Variants in PTGIS observed in about 807,000 individuals in gnomAD.
The protein encoded by PTGIS is prostacyclin synthase.
In PTGIS, 45 loss-of-function variants were observed where a neutral mutation model predicts 50.3. The ratio of observed to expected loss-of-function variants is 0.90; its 90% confidence interval spans 0.70 to 1.15. PTGIS has a LOEUF of 1.15. PTGIS is among the 50% of genes most tolerant of loss of function. PTGIS has a pLI of 0.00. For synonymous variants in PTGIS, 260 were observed against 267.7 expected (o/e 0.97, Z 0.28); for missense variants, 668 against 661.3 (o/e 1.01, Z -0.11).
At chr20:49,554,542 G>A (rs573068779) in intron 1 of PTGIS, among the ~76,000 whole-genome samples, 8 of 152,132 alleles carry the variant, frequency 5.3e-5, no homozygotes, top group Non-Finnish European at 1.2e-4. Flanking sequence ...ATCATCTTCA[G>A]ACCTAGGAGG....
chr20:49,520,339 T>TG (rs1296549476), intron 6 of PTGIS, among the ~76,000 whole-genome samples: 1 of 151,598 alleles, frequency 6.6e-6, no homozygotes, highest in Admixed American at 6.6e-5. Flanking sequence ...TCTAATACTT[T>TG]TTTTTTTTTT....
intron 6 of PTGIS, among the ~76,000 whole-genome samples, chr20:49,516,063 A>G (rs968226116): frequency 1.4e-5 from 2 of 142,994 alleles, no homozygotes; most frequent in African/African-American, 5.3e-5. Context: ...TTTTTTTGGT[A>G]GAGATGGAGG....
intron 1 of PTGIS, among the ~76,000 whole-genome samples, chr20:49,561,474 G>A (rs1316904306): frequency 6.6e-6 from 1 of 152,176 alleles, no homozygotes; most frequent in Non-Finnish European, 1.5e-5. Flanking sequence ...CCTGGGCTAA[G>A]GCCACTTCTC....
chr20:49,520,693 G>T lies in PTGIS; in HGVS notation c.855+3365C>A, dbSNP rs552975602. Among the ~76,000 whole-genome samples the T allele has an allele frequency of 5.0e-4, 76 of 152,134 alleles. 1 individual carries two copies. In the South Asian group the frequency reaches 0.015, roughly 30 times the overall value. On this transcript the variant is annotated intron_variant, in intron 6 of 9. Transcript: ENST00000244043. ...TTTATTTATTTATTTTTGAGACAGG[G>T]TCTCACTATGTCACCCAAGCTGGAG... is the stretch of plus-strand genomic sequence containing the variant.
In PTGIS at chr20:49,511,079, G is replaced by A. The variant is rs267605985; in HGVS notation, c.1307C>T (p.Ala436Val). The A allele has an allele frequency of 1.7e-5, 28 of 1,613,862 alleles. No homozygotes were observed. The highest frequency in any genetic ancestry group is 4.5e-5 in the East Asian group (2 of 44,898). Reference protein sequence around the residue: ...RLKNYNMPWGAGHNHCLGRSY... With the variant: ...RLKNYNMPWGVGHNHCLGRSY... ...CCTCCCCAGGCAGTGATTGTGCCCC[G>A]CCCCCCAGGGCATGTTGTAATTCTT... is the stretch of plus-strand genomic sequence containing the variant. Residue 436 changes from alanine (A) to valine (V), a missense_variant, in exon 9 of 10, where the codon GCG becomes GTG. Transcript: ENST00000244043.
intron 1 of PTGIS, 119 bp from the exon 2 acceptor site, chr20:49,550,308 G>C (rs935997167): frequency 6.1e-5 from 80 of 1,316,764 alleles, no homozygotes; most frequent in Non-Finnish European, 8.5e-5. Context: ...TGGAGCACTC[G>C]GGGACTATTG....
intron 5 of PTGIS, among the ~76,000 whole-genome samples, chr20:49,538,655 C>T (rs1460004741): frequency 6.6e-6 from 1 of 150,388 alleles, no homozygotes; most frequent in East Asian, 1.9e-4. Context: ...AGATCCACTT[C>T]TCAGTGCATT....
At chr20:49,529,217 C>G (rs1226528314) in intron 5 of PTGIS, among the ~76,000 whole-genome samples, 5 of 152,118 alleles carry the variant, frequency 3.3e-5, no homozygotes, top group African/African-American at 1.2e-4. Context: ...ATCTCCAGAA[C>G]TTATTCATTT....
At chr20:49,548,614 A>AGATG (rs759506899) in intron 2 of PTGIS, among the ~76,000 whole-genome samples, 3 of 151,266 alleles carry the variant, frequency 2.0e-5, no homozygotes, top group East Asian at 1.9e-4. Flanking sequence ...ATGGATGAAT[A>AGATG]GATGGATGGA....
chr20:49,513,429 T>A (rs1299930934), intron 7 of PTGIS, among the ~76,000 whole-genome samples, 168 bp from the exon 8 acceptor site: 1 of 151,846 alleles, frequency 6.6e-6, no homozygotes, highest in Non-Finnish European at 1.5e-5. Context: ...TGACATGTGG[T>A]CTCTGTGGTC....
At chr20:49,533,917 T>A (rs1156438982) in intron 5 of PTGIS, among the ~76,000 whole-genome samples, 9 of 152,074 alleles carry the variant, frequency 5.9e-5, no homozygotes, top group African/African-American at 1.9e-4. Flanking sequence ...GCTAAGATCG[T>A]GCCACTGCAC....
At position 49,505,771 on chromosome 20, in the gene PTGIS, GGTCACCCAGGC is replaced by G. The variant is rs1981137426; in HGVS notation, c.*2138_*2148del. 1 of 152,528 alleles carries G rather than the reference GGTCACCCAGGC, an allele frequency of 6.6e-6. No homozygotes were observed. The highest frequency in any genetic ancestry group is 1.5e-5 in the Non-Finnish European group (1 of 68,046). 9.4% of individuals were successfully genotyped at this position (152,528 alleles called of 1,614,324 possible). ...GAGTTAAGAAGGAGGCGGCAGTGGG[GGTCACCCAGGC>G]GTGAAGATGGGTTTCCCTGGGGATA... On this transcript the variant is annotated 3_prime_UTR_variant, in exon 10 of 10. Transcript: ENST00000244043.
intron 1 of PTGIS, among the ~76,000 whole-genome samples, chr20:49,558,713 A>ATT (rs33976646): frequency 1.4e-5 from 2 of 143,980 alleles, no homozygotes; most frequent in Non-Finnish European, 3.0e-5. Flanking sequence ...AAGTTAGACA[A>ATT]TTTTTTTTTT....
chr20:49,511,116 C>T lies in PTGIS; in HGVS notation c.1270G>A (p.Gly424Arg). The change falls in exon 9 of 10, where the codon GGG becomes AGG. Residue 424 changes from glycine (G) to arginine (R), a missense_variant. By Grantham distance (125) the Gly-to-Arg change is moderately radical. Transcript: ENST00000244043. ...ATGTTGTAATTCTTCAGCCGTTTCC[C>T]ATCCTTGTAAAAGTCTTTCTTCTCT... ...GSEKKDFYKD[G>R]KRLKNYNMPW... The T allele has an allele frequency of 6.2e-7, 1 of 1,614,208 alleles. No homozygotes were observed. The highest frequency in any genetic ancestry group is 8.5e-7 in the Non-Finnish European group (1 of 1,180,038).
intron 6 of PTGIS, among the ~76,000 whole-genome samples, chr20:49,519,890 C>T (rs1981602611): frequency 6.7e-6 from 1 of 148,352 alleles, no homozygotes; most frequent in Non-Finnish European, 1.5e-5. Context: ...CTAACCACCC[C>T]TGACCCTGGC....
chr20:49,537,830 G>A (rs80031368), intron 5 of PTGIS, among the ~76,000 whole-genome samples: 2,749 of 152,214 alleles, frequency 0.018, 38 homozygotes, highest in Admixed American at 0.025. Context: ...TGAAAGATAC[G>A]TACAAGAATG....
At chr20:49,524,338 A>C (rs1030692019) in intron 5 of PTGIS, 99 bp from the exon 6 acceptor site, 53 of 1,359,418 alleles carry the variant, frequency 3.9e-5, no homozygotes, top group Admixed American at 1.7e-4. Context: ...GGTCTTCTGA[A>C]TGTCACTCAT....
At chr20:49,516,359 C>A (rs922570941) in intron 6 of PTGIS, among the ~76,000 whole-genome samples, 3 of 152,156 alleles carry the variant, frequency 2.0e-5, no homozygotes, top group Non-Finnish European at 4.4e-5. Flanking sequence ...CTCACTGCAA[C>A]CTCCACCTCC....
intron 9 of PTGIS, 137 bp downstream of exon 9, chr20:49,510,891 G>A: frequency 1.3e-6 from 1 of 765,180 alleles, no homozygotes; most frequent in South Asian, 1.6e-5. Context: ...CCACAAATAA[G>A]AGATGGCTCA....
Sources: gnomAD v4.1 joint callset for allele counts (sites outside exome capture counted in the v4.1 genomes callset) on GRCh38, gnomAD v4.1.1 for gene constraint, MANE v1.5 for transcripts, NCBI Gene and HGNC (gene_info 2026-07-23, HGNC 2026-07-21) for gene names.